The following MICAL2 variants were observed in gnomAD, a reference collection of about 807,000 sequenced individuals.
The protein encoded by MICAL2 is microtubule associated monooxygenase, calponin and LIM domain containing 2, also known as [F-actin]-monooxygenase MICAL2.
Under a neutral mutation model 127.3 loss-of-function variants are expected in MICAL2, and 77 were observed. The ratio of observed to expected loss-of-function variants is 0.60; its 90% CI spans 0.50 to 0.73. MICAL2 has a LOEUF of 0.73. MICAL2 is among the 30% of genes least tolerant of loss of function. The pLI is 0.00. For missense variants in MICAL2, 1,351 were observed against 1,434.4 expected (o/e 0.94, Z 0.94); for synonymous variants, 570 against 551.1 (o/e 1.03, Z -0.48).
At chr11:12,340,850 T>C (rs539737975) in intron 32 of MICAL2, among the ~76,000 whole-genome samples, 1 of 152,292 alleles carries the variant, frequency 6.6e-6, no homozygotes, top group African/African-American at 2.4e-5. Context: ...CTAAAGAATA[T>C]ACAGATTAAA....
intron 1 of MICAL2, among the ~76,000 whole-genome samples, chr11:12,113,737 C>G (rs933461831): frequency 6.6e-6 from 1 of 152,036 alleles, no homozygotes; most frequent in Non-Finnish European, 1.5e-5. Flanking sequence ...AAAACTTAAT[C>G]GCTCCTGTAT....
chr11:12,158,858 G>A (rs899481980), intron 2 of MICAL2, among the ~76,000 whole-genome samples: 1 of 152,224 alleles, frequency 6.6e-6, no homozygotes, highest in South Asian at 2.1e-4. Context: ...CAAGTGTTGA[G>A]AGCAGATTCA....
intron 3 of MICAL2, among the ~76,000 whole-genome samples, chr11:12,185,430 C>G (rs767193868): frequency 1.3e-5 from 2 of 152,114 alleles, no homozygotes; most frequent in Non-Finnish European, 2.9e-5. Context: ...AAGCTTCTCT[C>G]CTTATATCCT....
At chr11:12,325,841 G>A (rs1864348358) in intron 31 of MICAL2, among the ~76,000 whole-genome samples, 1 of 152,200 alleles carries the variant, frequency 6.6e-6, no homozygotes. Context: ...GAACCAGATA[G>A]CTGTTACTGC....
At chr11:12,291,297 G>A (rs1406049556), downstream of MICAL2, among the ~76,000 whole-genome samples, 1 of 152,162 alleles carries the variant, frequency 6.6e-6, no homozygotes, top group Non-Finnish European at 1.5e-5. Context: ...TTAGATTTAA[G>A]GTTACCATGC....
chr11:12,259,402 T>A (rs1355355502), intron 25 of MICAL2, among the ~76,000 whole-genome samples: 1 of 152,262 alleles, frequency 6.6e-6, no homozygotes, highest in Admixed American at 6.5e-5. Flanking sequence ...AAGATTCTAG[T>A]CTATAAATGG....
chr11:12,305,648 C>T (rs1864101003), intron 29 of MICAL2, among the ~76,000 whole-genome samples: 1 of 152,208 alleles, frequency 6.6e-6, no homozygotes. Flanking sequence ...AAATATCTTA[C>T]TGTAGTGTAC....
chr11:12,162,189 G>T lies in MICAL2; in HGVS notation c.34G>T (p.Ala12Ser), dbSNP rs150190824. 73 of 1,614,098 alleles carry T rather than the reference G, an allele frequency of 4.5e-5. No homozygotes were observed. Among genetic ancestry groups the T allele is most frequent in the Non-Finnish European group, 5.6e-5 (66 of 1,180,052 alleles). ...AAACGAGGATGAGAAGCAGGCCCAG[G>T]CGGGGCAGGTTTTTGAGAACTTTGT... is the stretch of plus-strand genomic sequence containing the variant. ...GENEDEKQAQ[A>S]GQVFENFVQA... Residue 12 changes from alanine (A) to serine (S), a missense_variant, in exon 3 of 28, where the codon GCG becomes TCG. Transcript: ENST00000683283.
chr11:12,319,133 T>C (rs1864262985), intron 29 of MICAL2, among the ~76,000 whole-genome samples: 1 of 151,964 alleles, frequency 6.6e-6, no homozygotes, highest in African/African-American at 2.4e-5. Flanking sequence ...TTGCTTCTGA[T>C]TACATTTGGG....
intron 12 of MICAL2, among the ~76,000 whole-genome samples, chr11:12,224,001 T>C (rs1000060239): frequency 2.0e-5 from 3 of 152,140 alleles, no homozygotes; most frequent in African/African-American, 7.2e-5. Flanking sequence ...TTTGGCTACC[T>C]GTGCCTGTCC....
At chr11:12,222,126 G>A (rs547169230) in intron 10 of MICAL2, among the ~76,000 whole-genome samples, 87 of 152,170 alleles carry the variant, frequency 5.7e-4, no homozygotes, top group Non-Finnish European at 1.1e-3. Flanking sequence ...ATGGGGGTTG[G>A]ATTCTCTGGC....
chr11:12,262,982 G>A (rs1413919541), intron 27 of MICAL2: 1 of 158,194 alleles, frequency 6.3e-6, no homozygotes, highest in Non-Finnish European at 1.4e-5. Context: ...TGTAAAGATT[G>A]TTAATGTCAT....
chr11:12,304,693 C>A (rs113611660), intron 29 of MICAL2, among the ~76,000 whole-genome samples: 134 of 138,390 alleles, frequency 9.7e-4, no homozygotes, highest in Middle Eastern at 7.6e-3. Context: ...CACACACACA[C>A]AAAACATTCT....
intron 3 of MICAL2, among the ~76,000 whole-genome samples, chr11:12,174,977 G>A (rs1856678155): frequency 6.6e-6 from 1 of 152,006 alleles, no homozygotes; most frequent in African/African-American, 2.4e-5. Flanking sequence ...CAAAAAAGTA[G>A]TCTGGTGTGG....
At chr11:12,207,899 A>C in intron 4 of MICAL2, 124 bp from the exon 5 acceptor site, 1 of 745,196 alleles carries the variant, frequency 1.3e-6, no homozygotes, top group Non-Finnish European at 2.4e-6. Flanking sequence ...CCGCTCAGTA[A>C]TGATCATTGT....
At chr11:12,341,782 G>A (rs991117071) in intron 32 of MICAL2, among the ~76,000 whole-genome samples, 2 of 152,048 alleles carry the variant, frequency 1.3e-5, no homozygotes, top group Non-Finnish European at 2.9e-5. Context: ...GGCCAAAATT[G>A]CACCACTGCA....
Position 12,209,366 on chromosome 11 carries a change from C to G in MICAL2, c.590-131C>G. ...GTGAATCTGGACTGCTCTAGCCTTT[C>G]CCCTGGAGGCTCTCTCTGTGATACA... On this transcript the variant is annotated intron_variant, in intron 5 of 27. Transcript: ENST00000683283. 6 of 748,444 alleles carry G rather than the reference C, an allele frequency of 8.0e-6. No individual in the cohort carries two copies. The South Asian group carries it at 9.3e-5, about 12-fold the overall frequency. The allele number at this position is 748,444 out of a possible 1,614,324, so 46.4% of individuals were successfully genotyped here.
At chr11:12,320,974 C>CT (rs201239836) in intron 30 of MICAL2, among the ~76,000 whole-genome samples, 179 of 139,892 alleles carry the variant, frequency 1.3e-3, no homozygotes, top group African/African-American at 4.5e-3. Context: ...TTTCTTACTG[C>CT]CCCTCTCATC....
intron 2 of MICAL2, among the ~76,000 whole-genome samples, chr11:12,283,906 T>G (rs1425270132): frequency 6.6e-6 from 1 of 152,144 alleles, no homozygotes; most frequent in Non-Finnish European, 1.5e-5. Context: ...TTCGTGATAA[T>G]CTTGTTTAAA....
Sources: gnomAD v4.1 joint callset for allele counts (sites outside exome capture counted in the v4.1 genomes callset) on GRCh38, gnomAD v4.1.1 for gene constraint, MANE v1.5 for transcripts, NCBI Gene and HGNC (gene_info 2026-07-23, HGNC 2026-07-21) for gene names.